Variants in RIMS4 observed in about 807,000 individuals in gnomAD.
RIMS4 encodes regulating synaptic membrane exocytosis protein 4.
In RIMS4, 9 loss-of-function variants were observed where a neutral mutation model predicts 29.0. The observed-to-expected ratio is 0.31, with a 90% confidence interval of 0.19 to 0.54. The LOEUF (loss-of-function observed/expected upper bound fraction) is 0.54. RIMS4 is among the 20% of genes least tolerant of loss of function. The pLI is 0.94. For synonymous variants in RIMS4, 130 were observed against 152.9 expected, an observed-to-expected ratio of 0.85 and a Z score of 1.10; for missense variants, 193 against 365.7, an observed-to-expected ratio of 0.53 and a Z score of 3.85.
chr20:44,763,358 A>G (rs987755861), intron 2 of RIMS4, among the ~76,000 whole-genome samples: 4 of 152,252 alleles, frequency 2.6e-5, no homozygotes, highest in African/African-American at 9.6e-5. Flanking sequence ...GCTTTAGCAC[A>G]GAGGACCTGC....
At chr20:44,773,415 TCAGA>T (rs1424212945) in intron 1 of RIMS4, among the ~76,000 whole-genome samples, 1 of 151,766 alleles carries the variant, frequency 6.6e-6, no homozygotes, top group African/African-American at 2.4e-5. Flanking sequence ...AGAAACAGAC[TCAGA>T]CAGAGATGTC....
intron 1 of RIMS4, among the ~76,000 whole-genome samples, chr20:44,780,770 GGGAGGGATAAGT>G (rs2066180693): frequency 6.6e-6 from 1 of 152,182 alleles, no homozygotes; most frequent in African/African-American, 2.4e-5. Context: ...CTACACTGGA[GGGAGGGATAAGT>G]GCCTCAGACC....
At chr20:44,799,286 G>C (rs917694896) in intron 1 of RIMS4, among the ~76,000 whole-genome samples, 4 of 151,592 alleles carry the variant, frequency 2.6e-5, no homozygotes, top group Admixed American at 6.6e-5. Context: ...CTGGGCAACA[G>C]AGCAAGACTC....
chr20:44,773,498 C>T (rs760629606), intron 1 of RIMS4, among the ~76,000 whole-genome samples: 3 of 151,876 alleles, frequency 2.0e-5, no homozygotes, highest in Admixed American at 6.5e-5. Flanking sequence ...ACACCCCCCC[C>T]ACACCCCACA....
intron 1 of RIMS4, among the ~76,000 whole-genome samples, chr20:44,801,649 T>C (rs2066277761): frequency 1.3e-5 from 2 of 152,210 alleles, no homozygotes; most frequent in South Asian, 2.1e-4. Flanking sequence ...CAATATCCCA[T>C]GCAATGGTCT....
intron 1 of RIMS4, among the ~76,000 whole-genome samples, chr20:44,787,598 C>T (rs925734231): frequency 6.6e-6 from 1 of 151,960 alleles, no homozygotes; most frequent in Non-Finnish European, 1.5e-5. Context: ...ACCATGAACA[C>T]CAGTTTCCTC....
At chr20:44,769,023 A>G (rs2066125668) in intron 2 of RIMS4, among the ~76,000 whole-genome samples, 1 of 152,196 alleles carries the variant, frequency 6.6e-6, no homozygotes, top group Non-Finnish European at 1.5e-5. Context: ...TCTATAGATG[A>G]AGAAACTGGG....
intron 2 of RIMS4, among the ~76,000 whole-genome samples, chr20:44,766,559 C>T (rs1243772250): frequency 2.0e-5 from 3 of 152,096 alleles, no homozygotes; most frequent in East Asian, 1.9e-4. Context: ...CAGGCAAGAG[C>T]GATGTATGGC....
At chr20:44,804,367 T>C (rs1306606163) in intron 1 of RIMS4, among the ~76,000 whole-genome samples, 6 of 152,146 alleles carry the variant, frequency 3.9e-5, no homozygotes, top group African/African-American at 1.4e-4. Context: ...CGGATTCAAA[T>C]CCAAGCCCAG....
chr20:44,800,993 G>A (rs763088165), intron 1 of RIMS4, among the ~76,000 whole-genome samples: 8 of 152,152 alleles, frequency 5.3e-5, no homozygotes, highest in Non-Finnish European at 1.2e-4. Flanking sequence ...AAGGAAAGGC[G>A]GCAGCTTCCA....
intron 2 of RIMS4, among the ~76,000 whole-genome samples, chr20:44,767,864 G>C (rs940787256): frequency 2.6e-5 from 4 of 152,184 alleles, no homozygotes; most frequent in African/African-American, 9.7e-5. Flanking sequence ...TTAAGCCAGG[G>C]CTTCTCTACC....
Position 44,810,219 on chromosome 20 carries a change from G to A in RIMS4, c.53C>T (p.Ala18Val), listed in dbSNP as rs769385526. 6.3e-7 allele frequency: 1 copy of A among 1,582,792 alleles called. No homozygotes were observed. Among genetic ancestry groups the A allele is most frequent in the Non-Finnish European group, 8.6e-7 (1 of 1,162,452 alleles). ...LSLSASFEALAIYFPCMNSFD... is the reference protein window; with the variant it reads ...LSLSASFEALVIYFPCMNSFD... Reference sequence around the variant, plus strand: ...GGAGTTCATGCACGGGAAGTAGATGGCGAGCGCCTCGAAGGAGGCGGACAG... The same window carrying A: ...GGAGTTCATGCACGGGAAGTAGATGACGAGCGCCTCGAAGGAGGCGGACAG... Residue 18 changes from alanine (A) to valine (V), a missense_variant, in exon 1 of 6, where the codon GCC (alanine) becomes GTC (valine). By Grantham distance (64) the Ala-to-Val change is moderately conservative. Coordinates refer to ENST00000372851, the MANE Select transcript of RIMS4 (RefSeq NM_182970.4).
chr20:44,806,669 G>GT (rs1486309660), intron 1 of RIMS4, among the ~76,000 whole-genome samples: 1 of 152,194 alleles, frequency 6.6e-6, no homozygotes, highest in Admixed American at 6.5e-5. Context: ...CTAACATGTA[G>GT]TGAGAGCCTA....
chr20:44,780,010 C>A (rs564021466), intron 1 of RIMS4, among the ~76,000 whole-genome samples: 2 of 152,218 alleles, frequency 1.3e-5, no homozygotes, highest in South Asian at 4.2e-4. Context: ...AATGTGTATA[C>A]AGGGCAAACA....
At position 44,771,277 on chromosome 20, in the gene RIMS4, G is replaced by T. The variant is rs934143770; in HGVS notation, c.234C>A (p.Gly78=). 1.2e-6 allele frequency: 2 copies of T among 1,604,664 alleles called. No homozygotes were observed. Among genetic ancestry groups the T allele is most frequent in the Non-Finnish European group, 1.7e-6 (2 of 1,172,284 alleles). ...EDSMNSYGSE[G]NLNYGGVCLA... Reference sequence around the variant, plus strand: ...AGGGCTGGTGGCCCCACACTTACTTGCCCTCTGAGCCATAGCTGTTCATGC... The same window carrying T: ...AGGGCTGGTGGCCCCACACTTACTTTCCCTCTGAGCCATAGCTGTTCATGC... The change falls in exon 2 of 6, where the codon GGC becomes GGA. Residue 78 remains glycine (G), a splice_region_variant and synonymous_variant. Coordinates refer to ENST00000372851, the MANE Select transcript of RIMS4 (RefSeq NM_182970.4).
intron 1 of RIMS4, among the ~76,000 whole-genome samples, chr20:44,795,206 C>T (rs767732760): frequency 2.0e-5 from 3 of 152,260 alleles, no homozygotes; most frequent in Non-Finnish European, 4.4e-5. Context: ...CTCACCCCTA[C>T]CCTGTAAGGT....
At chr20:44,766,426 T>C (rs1398089207) in intron 2 of RIMS4, among the ~76,000 whole-genome samples, 1 of 151,178 alleles carries the variant, frequency 6.6e-6, no homozygotes, top group Non-Finnish European at 1.5e-5. Flanking sequence ...AAGTGAAGGG[T>C]AAAGGTTCAG....
chr20:44,802,878 C>T (rs1011565161), intron 1 of RIMS4, among the ~76,000 whole-genome samples: 2 of 152,202 alleles, frequency 1.3e-5, no homozygotes, highest in African/African-American at 4.8e-5. Flanking sequence ...GCTTTCTATT[C>T]CCTAAAACTC....
Position 44,800,903 on chromosome 20 carries a change from C to T in RIMS4, c.97+9272G>A, listed in dbSNP as rs184346046. ...CCTAGACCAGAGCGAGGAGGCCTGACGCCAGCTGTGTGCTGCCCCATCCCA... is the reference window on the plus strand; with the variant it reads ...CCTAGACCAGAGCGAGGAGGCCTGATGCCAGCTGTGTGCTGCCCCATCCCA... On this transcript the variant is annotated intron_variant, in intron 1 of 5. Coordinates refer to ENST00000372851, the MANE Select transcript of RIMS4 (RefSeq NM_182970.4). 7.9e-5 allele frequency among the ~76,000 whole-genome samples: 12 copies of T among 152,364 alleles called. No homozygotes were observed. In the East Asian group the frequency reaches 1.3e-3, roughly 17 times the overall value.
Sources: allele counts gnomAD v4.1 joint callset (sites outside exome capture counted in the v4.1 genomes callset), GRCh38; gene constraint gnomAD v4.1.1; transcripts MANE v1.5; gene names NCBI Gene and HGNC (gene_info 2026-07-23, HGNC 2026-07-21).